Variants in MTFR1 observed in about 807,000 individuals in gnomAD.
MTFR1 encodes the protein chondrocyte protein with a poly-proline region.
Under a neutral mutation model 38.8 loss-of-function variants are expected in MTFR1, and 28 were observed. The observed-to-expected ratio is 0.72, with a 90% CI of 0.53 to 0.99. The LOEUF (loss-of-function observed/expected upper bound fraction) is 0.99, where lower values mean the gene tolerates loss of function less well. Among genes scored for constraint, MTFR1 ranks in the 50% least tolerant of loss-of-function variants. The pLI is 0.00. For synonymous variants in MTFR1, 145 were observed against 137.0 expected (o/e 1.06, Z -0.41); for missense variants, 358 against 395.5 (o/e 0.91, Z 0.81).
At chr8:65,752,818 T>C (rs1459873148) in intron 3 of MTFR1, among the ~76,000 whole-genome samples, 1 of 152,226 alleles carries the variant, frequency 6.6e-6, no homozygotes, top group Non-Finnish European at 1.5e-5. Flanking sequence ...TCTATCTCAC[T>C]TTCTCTCCAA....
chr8:65,689,637 G>T (rs1805211992), intron 3 of MTFR1: 8 of 1,236,652 alleles, frequency 6.5e-6, no homozygotes, highest in Non-Finnish European at 8.3e-6. Flanking sequence ...TCCCATGCAT[G>T]TCGTGGTGTC....
chr8:65,680,952 C>CCGGACTG (rs1429399429), intron 2 of MTFR1, among the ~76,000 whole-genome samples: 1 of 137,212 alleles, frequency 7.3e-6, no homozygotes, highest in Non-Finnish European at 1.5e-5. Context: ...GTCGCCCAGG[C>CCGGACTG]CGGACTGCGG....
chr8:65,711,986 C>A (rs1805959266), downstream of MTFR1, among the ~76,000 whole-genome samples: 1 of 152,156 alleles, frequency 6.6e-6, no homozygotes, highest in Non-Finnish European at 1.5e-5. Flanking sequence ...TATCCCAGGG[C>A]AGTCCTCCAT....
At chr8:65,741,201 A>G (rs756574538) in intron 3 of MTFR1, among the ~76,000 whole-genome samples, 68 of 152,344 alleles carry the variant, frequency 4.5e-4, no homozygotes, top group Middle Eastern at 3.4e-3. Context: ...AATAGGCTAC[A>G]TATTAAAAAG....
At position 65,655,951 on chromosome 8, in the gene MTFR1, AATATATATATATATATACCAT is replaced by A. The variant is rs1438220556; in HGVS notation, c.-81+11180_-81+11200del. On this transcript the variant is annotated intron_variant, in intron 1 of 7. Transcript: ENST00000262146. Reference sequence around the variant, plus strand: ...AGCAAGACTCTGTCTTAAAAAAAAAAATATATATATATATATACCATATATATATATATGGTAGTGGGTTGA... The same window carrying A: ...AGCAAGACTCTGTCTTAAAAAAAAAAATATATATATATGGTAGTGGGTTGA... 8.9e-3 allele frequency among the ~76,000 whole-genome samples: 494 copies of A among 55,378 alleles called. 34 individuals carry two copies. Among genetic ancestry groups the A allele is most frequent in the Admixed American group, 0.077 (441 of 5,702 alleles). The allele number at this position is 55,378 out of a possible 152,430, so 36.3% of individuals were successfully genotyped here. A position where few individuals can be genotyped will look rare whatever the true frequency, so the allele number is the denominator to read the frequency against.
At chr8:65,768,483 T>C (rs1808912801) in intron 3 of MTFR1, among the ~76,000 whole-genome samples, 1 of 152,230 alleles carries the variant, frequency 6.6e-6, no homozygotes, top group African/African-American at 2.4e-5. Context: ...TCTGCTGCCA[T>C]GTGAGATGTG....
At chr8:65,717,820 CAATT>C (rs1424780652) in intron 2 of MTFR1, 5 of 152,068 alleles carry the variant, frequency 3.3e-5, no homozygotes, top group African/African-American at 9.7e-5. Flanking sequence ...AAACTGTAAA[CAATT>C]AATAAACAGT....
At chr8:65,687,562 G>C (rs1805125799) in intron 3 of MTFR1, among the ~76,000 whole-genome samples, 2 of 151,894 alleles carry the variant, frequency 1.3e-5, no homozygotes, top group African/African-American at 4.8e-5. Context: ...AGCCAGGATG[G>C]TTTCGATCTC....
chr8:65,712,378 G>A (rs1016709760), downstream of MTFR1, among the ~76,000 whole-genome samples: 6 of 152,168 alleles, frequency 3.9e-5, no homozygotes, highest in Non-Finnish European at 7.3e-5. Context: ...TGTAACCCAG[G>A]ACACAGCCCT....
At chr8:65,749,085 C>A (rs932090222) in intron 3 of MTFR1, among the ~76,000 whole-genome samples, 2 of 152,206 alleles carry the variant, frequency 1.3e-5, no homozygotes, top group Admixed American at 6.5e-5. Context: ...ACATTCAGTA[C>A]ACTGCCCCTA....
chr8:65,667,055 C>T (rs922778592), intron 1 of MTFR1, among the ~76,000 whole-genome samples: 1 of 152,126 alleles, frequency 6.6e-6, no homozygotes, highest in African/African-American at 2.4e-5. Context: ...GGTGGATCGC[C>T]TGAGGTGAGG....
chr8:65,700,082 G>A (rs1805566212), intron 4 of MTFR1, among the ~76,000 whole-genome samples: 1 of 151,926 alleles, frequency 6.6e-6, no homozygotes, highest in Non-Finnish European at 1.5e-5. Flanking sequence ...CGAGTGTAGT[G>A]GCTCATGCTT....
intron 2 of MTFR1, among the ~76,000 whole-genome samples, chr8:65,715,719 C>T (rs2129061836): frequency 6.8e-6 from 1 of 146,294 alleles, no homozygotes; most frequent in East Asian, 2.2e-4. Flanking sequence ...GGCACGGTGG[C>T]TCACGCCTGT....
intron 1 of MTFR1, among the ~76,000 whole-genome samples, chr8:65,661,526 A>G (rs1809413894): frequency 6.6e-6 from 1 of 152,088 alleles, no homozygotes; most frequent in Non-Finnish European, 1.5e-5. Flanking sequence ...AATACCAGCT[A>G]TTTAAGAGGC....
intron 2 of MTFR1, among the ~76,000 whole-genome samples, chr8:65,676,407 A>G (rs1804708926): frequency 6.6e-6 from 1 of 152,332 alleles, no homozygotes; most frequent in South Asian, 2.1e-4. Context: ...GTTGTGTCCC[A>G]GGCTGGAGTG....
intron 3 of MTFR1, among the ~76,000 whole-genome samples, chr8:65,684,337 A>T (rs1315828065): frequency 6.6e-6 from 1 of 152,128 alleles, no homozygotes; most frequent in African/African-American, 2.4e-5. Flanking sequence ...GTAGTGAGAG[A>T]CGGAAGCCAT....
chr8:65,719,260 G>A lies in MTFR1; in HGVS notation c.382-120G>A, dbSNP rs202204619. The A allele has an allele frequency of 9.3e-6, 14 of 1,512,750 alleles. No homozygotes were observed. The African/African-American group carries it at 1.4e-4, about 15-fold the overall frequency. The allele number at this position is 1,512,750 out of a possible 1,614,324, so 93.7% of individuals were successfully genotyped here. A position where few individuals can be genotyped will look rare whatever the true frequency, so the allele number is the denominator to read the frequency against. ...CATTTCACATTTCTAAAAACCTCCA[G>A]GAGGCAGTTTGTCCCACTGGTTCTG... On this transcript the variant is annotated intron_variant, in intron 2 of 3. Coordinates refer to the MTFR1 transcript ENST00000521247.
chr8:65,682,484 T>A, intron 3 of MTFR1, 33 bp downstream of exon 3: 1 of 1,120,488 alleles, frequency 8.9e-7, no homozygotes, highest in Non-Finnish European at 1.2e-6. Context: ...AGTATTTTAT[T>A]AATATGTACA....
chr8:65,674,225 G>A (rs769770834), intron 2 of MTFR1, among the ~76,000 whole-genome samples: 4 of 151,900 alleles, frequency 2.6e-5, no homozygotes, highest in African/African-American at 4.8e-5. Flanking sequence ...GAGCCACTGC[G>A]TCCGTCCTTT....
Sources: gnomAD v4.1 joint callset for allele counts (sites outside exome capture counted in the v4.1 genomes callset) on GRCh38, gnomAD v4.1.1 for gene constraint, MANE v1.5 for transcripts, NCBI Gene and HGNC (gene_info 2026-07-23, HGNC 2026-07-21) for gene names.